The following CAST variants were observed in gnomAD, a reference collection of about 807,000 sequenced individuals.
CAST encodes the protein MIR583 host.
CAST carries 76 observed loss-of-function variants against 119.6 expected under a neutral mutation model. That is an observed-to-expected ratio of 0.64 (90% CI 0.53 to 0.77). The LOEUF (loss-of-function observed/expected upper bound fraction) is 0.77, where lower values mean the gene tolerates loss of function less well. CAST is among the 30% of genes least tolerant of loss of function. The pLI, the probability that CAST is intolerant of heterozygous loss-of-function variation, is 0.00. For synonymous variants in CAST, 319 were observed against 331.6 expected (o/e 0.96, Z 0.41); for missense variants, 953 against 946.5 (o/e 1.01, Z -0.09).
the CAST span, among the ~76,000 whole-genome samples, chr5:96,213,161 G>A: frequency 6.6e-6 from 1 of 152,046 alleles, no homozygotes; most frequent in East Asian, 1.9e-4. Flanking sequence ...ATTGTGTAAT[G>A]TCACTCTGTA....
upstream of CAST, among the ~76,000 whole-genome samples, chr5:96,657,095 C>A (rs1406493968): frequency 6.6e-6 from 1 of 152,160 alleles, no homozygotes; most frequent in Non-Finnish European, 1.5e-5. Context: ...GTGAAGTGAT[C>A]TGCAACAAGA....
the CAST span, among the ~76,000 whole-genome samples, chr5:96,357,198 C>T: frequency 2.6e-5 from 4 of 152,174 alleles, no homozygotes; most frequent in Non-Finnish European, 2.9e-5. Context: ...TGAGACTTTG[C>T]TGAAGTTGCT....
chr5:96,350,550 C>A, the CAST span, among the ~76,000 whole-genome samples: 2 of 151,958 alleles, frequency 1.3e-5, no homozygotes, highest in East Asian at 3.8e-4. Flanking sequence ...TCCTAGTGGG[C>A]AAATTGTAAG....
chr5:95,986,158 A>G, the CAST span: 1 of 152,214 alleles, frequency 6.6e-6, no homozygotes, highest in Admixed American at 6.5e-5. Flanking sequence ...ATGTGAAGCT[A>G]TTTGCTACCA....
the CAST span, among the ~76,000 whole-genome samples, chr5:96,109,935 A>C: frequency 2.8e-5 from 4 of 141,860 alleles, no homozygotes; most frequent in South Asian, 2.1e-4. Flanking sequence ...AAAAATGATA[A>C]AAAAAAAAGA....
the CAST span, among the ~76,000 whole-genome samples, chr5:96,503,140 T>A: frequency 2.1e-3 from 324 of 152,340 alleles, no homozygotes; most frequent in Non-Finnish European, 3.5e-3. Context: ...TCTTTTTAAA[T>A]TAGAAATGTA....
intron 1 of CAST, among the ~76,000 whole-genome samples, chr5:96,664,124 G>A (rs928568899): frequency 6.6e-6 from 1 of 152,058 alleles, no homozygotes; most frequent in African/African-American, 2.4e-5. Context: ...CCCTGTATAA[G>A]AATCAAGAAA....
chr5:96,412,356 G>C, the CAST span: 1 of 1,614,078 alleles, frequency 6.2e-7, no homozygotes, highest in Non-Finnish European at 8.5e-7. Context: ...TGGGCTAGCC[G>C]GCCAGGCCCC....
chr5:96,051,031 G>C, the CAST span, among the ~76,000 whole-genome samples: 2 of 151,992 alleles, frequency 1.3e-5, no homozygotes, highest in African/African-American at 2.4e-5. Flanking sequence ...AAACACTTTG[G>C]GCCCTTGGGC....
chr5:96,200,694 A>C, the CAST span, among the ~76,000 whole-genome samples: 1 of 152,152 alleles, frequency 6.6e-6, no homozygotes, highest in Non-Finnish European at 1.5e-5. Context: ...AATTGCCTGC[A>C]TTCAAAACAT....
the CAST span, among the ~76,000 whole-genome samples, chr5:96,236,693 A>G: frequency 9.2e-5 from 14 of 152,168 alleles, no homozygotes; most frequent in Non-Finnish European, 1.9e-4. Flanking sequence ...CTCCCCAAAT[A>G]TTGCATGTTT....
intron 2 of CAST, among the ~76,000 whole-genome samples, chr5:96,682,778 C>T (rs1481131199): frequency 6.6e-6 from 1 of 152,176 alleles, no homozygotes; most frequent in African/African-American, 2.4e-5. Context: ...CTGGTAAAAT[C>T]CCCACTACCT....
At chr5:96,450,917 G>C in the CAST span, among the ~76,000 whole-genome samples, 10 of 152,152 alleles carry the variant, frequency 6.6e-5, no homozygotes, top group African/African-American at 2.2e-4. Context: ...AATCTTAGCA[G>C]TCACTCAATA....
intron 1 of CAST, among the ~76,000 whole-genome samples, chr5:96,619,770 G>A (rs1747559759): frequency 6.6e-6 from 1 of 150,702 alleles, no homozygotes; most frequent in Non-Finnish European, 1.5e-5. Flanking sequence ...AGGGTCCGTG[G>A]CTTCATTCCT....
the CAST span, among the ~76,000 whole-genome samples, chr5:96,033,410 G>T: frequency 6.6e-6 from 1 of 152,052 alleles, no homozygotes; most frequent in Non-Finnish European, 1.5e-5. Context: ...TACTACAAAG[G>T]TATGGTAACC....
chr5:96,117,930 A>T, the CAST span, among the ~76,000 whole-genome samples: 3 of 152,310 alleles, frequency 2.0e-5, no homozygotes, highest in East Asian at 5.8e-4. Flanking sequence ...GATAGTCTGA[A>T]ATTTCAAAAT....
At chr5:96,390,513 A>G in the CAST span, 2 of 152,596 alleles carry the variant, frequency 1.3e-5, no homozygotes, top group African/African-American at 4.8e-5. Flanking sequence ...AGGCTATTAG[A>G]CAAATGTCAC....
the CAST span, among the ~76,000 whole-genome samples, chr5:96,001,354 T>TA: frequency 6.6e-6 from 1 of 152,152 alleles, no homozygotes; most frequent in African/African-American, 2.4e-5. Context: ...ACCAAGAAGT[T>TA]AACTGGGGAA....
chr5:96,697,461 A>G (rs1310082634), intron 3 of CAST, among the ~76,000 whole-genome samples: 2 of 152,204 alleles, frequency 1.3e-5, no homozygotes, highest in East Asian at 3.8e-4. Context: ...CTAACGCTAA[A>G]TACCATGCCA....
Sources: allele counts gnomAD v4.1 joint callset (sites outside exome capture counted in the v4.1 genomes callset), GRCh38; gene constraint gnomAD v4.1.1; transcripts MANE v1.5; gene names NCBI Gene and HGNC (gene_info 2026-07-23, HGNC 2026-07-21).